POFUT3: variants seen among roughly 807,000 people sequenced by gnomAD.
POFUT3 encodes the protein protein O-fucosyltransferase 3.
chr8:33,433,430 G>A, the POFUT3 span, among the ~76,000 whole-genome samples: 1 of 151,806 alleles, frequency 6.6e-6, no homozygotes, highest in African/African-American at 2.4e-5. Context: ...GGCTAACACG[G>A]TGAAACCCCG....
chr8:33,400,942 G>C, the POFUT3 span, among the ~76,000 whole-genome samples: 1,447 of 152,218 alleles, frequency 9.5e-3, 8 homozygotes, highest in Non-Finnish European at 0.014. Context: ...AAAGTTTTCA[G>C]ACACCAACTA....
the POFUT3 span, among the ~76,000 whole-genome samples, chr8:33,458,084 C>T: frequency 6.6e-6 from 1 of 152,054 alleles, no homozygotes; most frequent in African/African-American, 2.4e-5. Flanking sequence ...CGGGTGGGCC[C>T]TAATCCATTA....
At chr8:33,398,712 T>G in the POFUT3 span, among the ~76,000 whole-genome samples, 1 of 152,132 alleles carries the variant, frequency 6.6e-6, no homozygotes, top group East Asian at 1.9e-4. Flanking sequence ...CCCCGGAACC[T>G]AAAATAAAAG....
At chr8:33,320,736 T>G in the POFUT3 span, among the ~76,000 whole-genome samples, 1 of 152,062 alleles carries the variant, frequency 6.6e-6, no homozygotes, top group African/African-American at 2.4e-5. Flanking sequence ...CCAAAACACA[T>G]GGCCTCCATG....
At chr8:33,469,315 G>GCAAAAA in the POFUT3 span, among the ~76,000 whole-genome samples, 1 of 152,098 alleles carries the variant, frequency 6.6e-6, no homozygotes, top group Non-Finnish European at 1.5e-5. Flanking sequence ...CGAAAAAAAA[G>GCAAAAA]CAAAAACAAA....
the POFUT3 span, among the ~76,000 whole-genome samples, chr8:33,356,180 T>G: frequency 6.6e-6 from 1 of 152,226 alleles, no homozygotes; most frequent in African/African-American, 2.4e-5. Flanking sequence ...CATTTGGGTA[T>G]ATACCCAGTA....
At chr8:33,389,642 T>G in the POFUT3 span, 244 of 1,614,144 alleles carry the variant, frequency 1.5e-4, 3 homozygotes, top group South Asian at 2.6e-3. Flanking sequence ...TAGTGGCAAG[T>G]GGGAATGCCT....
the POFUT3 span, among the ~76,000 whole-genome samples, chr8:33,311,780 C>A: frequency 6.6e-6 from 1 of 152,112 alleles, no homozygotes; most frequent in African/African-American, 2.4e-5. Context: ...TTCAGATGCC[C>A]TGTCTTTTGT....
chr8:33,354,815 A>G, the POFUT3 span, among the ~76,000 whole-genome samples: 1 of 152,202 alleles, frequency 6.6e-6, no homozygotes, highest in African/African-American at 2.4e-5. Context: ...TGTTTCTTAG[A>G]TCTGAGACTT....
chr8:33,468,173 G>C, the POFUT3 span, among the ~76,000 whole-genome samples: 1 of 151,652 alleles, frequency 6.6e-6, no homozygotes, highest in Admixed American at 6.6e-5. Flanking sequence ...CTGGGAGGCA[G>C]AGGATGCAGT....
the POFUT3 span, among the ~76,000 whole-genome samples, chr8:33,343,389 G>T: frequency 1.3e-4 from 20 of 152,320 alleles, no homozygotes; most frequent in South Asian, 6.2e-4. Flanking sequence ...AGCAGGAAAA[G>T]CTTTCACAAT....
At chr8:33,436,287 T>C in the POFUT3 span, 2 of 1,347,674 alleles carry the variant, frequency 1.5e-6, no homozygotes, top group Non-Finnish European at 2.1e-6. Context: ...CATCCCACTG[T>C]GAAACTCTGT....
the POFUT3 span, among the ~76,000 whole-genome samples, chr8:33,458,080 G>C: frequency 2.0e-5 from 3 of 152,046 alleles, no homozygotes; most frequent in Non-Finnish European, 4.4e-5. Flanking sequence ...AAAACGGGTG[G>C]GCCCTAATCC....
the POFUT3 span, among the ~76,000 whole-genome samples, chr8:33,470,444 G>T: frequency 1.3e-5 from 2 of 151,770 alleles, no homozygotes; most frequent in African/African-American, 4.8e-5. Flanking sequence ...ATTAAAAGTG[G>T]GGTGACAGCA....
At chr8:33,364,799 T>C in the POFUT3 span, among the ~76,000 whole-genome samples, 1 of 152,200 alleles carries the variant, frequency 6.6e-6, no homozygotes, top group Non-Finnish European at 1.5e-5. Flanking sequence ...TCCATGCTCA[T>C]GGATAGGAAG....
the POFUT3 span, among the ~76,000 whole-genome samples, chr8:33,369,915 A>G: frequency 5.9e-5 from 9 of 152,128 alleles, no homozygotes; most frequent in Admixed American, 3.9e-4. Flanking sequence ...TATATTTGCT[A>G]TATGATCAAG....
At chr8:33,421,150 AT>A in the POFUT3 span, among the ~76,000 whole-genome samples, 3 of 152,024 alleles carry the variant, frequency 2.0e-5, no homozygotes, top group Non-Finnish European at 4.4e-5. Context: ...TCCTCAAGAT[AT>A]TTTTTATGAT....
At chr8:33,411,151 A>G in the POFUT3 span, among the ~76,000 whole-genome samples, 1 of 152,236 alleles carries the variant, frequency 6.6e-6, no homozygotes, top group East Asian at 1.9e-4. Context: ...GAAAGGAATT[A>G]GAGGATTAGA....
At chr8:33,420,268 A>G in the POFUT3 span, among the ~76,000 whole-genome samples, 1 of 152,236 alleles carries the variant, frequency 6.6e-6, no homozygotes, top group African/African-American at 2.4e-5. Context: ...AGAGAGAATT[A>G]TTAGTTTTAG....
Sources: gnomAD v4.1 joint callset for allele counts (sites outside exome capture counted in the v4.1 genomes callset) on GRCh38, gnomAD v4.1.1 for gene constraint, MANE v1.5 for transcripts, NCBI Gene and HGNC (gene_info 2026-07-23, HGNC 2026-07-21) for gene names.